Variants in EYS observed in about 807,000 individuals in gnomAD.
EYS encodes EGF-like photoreceptor maintenance factor, also known as protein eyes shut homolog.
EYS carries 250 observed loss-of-function variants against 282.1 expected under a neutral mutation model. That is an observed-to-expected ratio of 0.89 (90% CI 0.80 to 0.98). The LOEUF is 0.98. Among genes scored for constraint, EYS ranks in the 50% least tolerant of loss-of-function variants. EYS has a pLI of 0.00. For synonymous variants in EYS, 1,355 were observed against 1,282.9 expected, an observed-to-expected ratio of 1.06 and a Z score of -1.20; for missense variants, 4,016 against 3,709.0, an observed-to-expected ratio of 1.08 and a Z score of -2.15.
intron 26 of EYS, among the ~76,000 whole-genome samples, chr6:64,465,780 C>T (rs930905011): frequency 2.0e-5 from 3 of 151,202 alleles, no homozygotes; most frequent in East Asian, 3.9e-4. Flanking sequence ...AAATCTTCTG[C>T]GTAGCCCAGG....
At chr6:64,686,559 G>C (rs1324128610) in intron 22 of EYS, among the ~76,000 whole-genome samples, 1 of 149,994 alleles carries the variant, frequency 6.7e-6, no homozygotes, top group Non-Finnish European at 1.5e-5. Context: ...GGTTAATGCG[G>C]TAAAACCCCG....
intron 19 of EYS, among the ~76,000 whole-genome samples, chr6:64,834,234 A>G (rs77893816): frequency 0.017 from 2,599 of 151,928 alleles, 75 homozygotes; most frequent in African/African-American, 0.059. Context: ...TTTTGGAGGT[A>G]TTCTTTAATT....
At position 65,626,897 on chromosome 6, in the gene EYS, T is replaced by TAA. The variant is rs141544480; in HGVS notation, c.-333+12879_-333+12880dup. Among the ~76,000 whole-genome samples the TAA allele has an allele frequency of 7.0e-4, 86 of 123,420 alleles. 1 individual carries two copies. Among genetic ancestry groups the TAA allele is most frequent in the African/African-American group, 1.3e-3 (53 of 40,168 alleles). 81.0% of individuals were successfully genotyped at this position (123,420 alleles called of 152,430 possible). ...GCTCAATGGAAATGGGCATATTATG[T>TAA]AAAAAAAACACACACACACACACAC... On this transcript the variant is annotated intron_variant, in intron 2 of 42. Transcript: ENST00000503581.
intron 2 of EYS, among the ~76,000 whole-genome samples, chr6:65,517,106 A>T (rs1767164124): frequency 6.6e-6 from 1 of 151,936 alleles, no homozygotes; most frequent in Non-Finnish European, 1.5e-5. Flanking sequence ...CTATAACATG[A>T]TATTAATGAA....
chr6:64,571,232 A>G (rs1384687662), intron 26 of EYS, among the ~76,000 whole-genome samples: 3 of 152,348 alleles, frequency 2.0e-5, no homozygotes, highest in East Asian at 1.9e-4. Flanking sequence ...TTTGAAACCA[A>G]TGAGAACAAA....
chr6:64,310,079 A>C (rs1310949303), intron 29 of EYS, among the ~76,000 whole-genome samples: 4 of 45,460 alleles, frequency 8.8e-5, no homozygotes, highest in African/African-American at 6.2e-4. Flanking sequence ...TAAAAAAAAA[A>C]ATAACAGATG....
chr6:64,798,916 G>T (rs1191162551), intron 22 of EYS, among the ~76,000 whole-genome samples: 2 of 151,768 alleles, frequency 1.3e-5, no homozygotes, highest in Admixed American at 6.6e-5. Flanking sequence ...ATCCTACCCT[G>T]TCTTCTCCCA....
At chr6:64,679,237 T>C (rs1354303349) in intron 22 of EYS, among the ~76,000 whole-genome samples, 1 of 152,144 alleles carries the variant, frequency 6.6e-6, no homozygotes, top group Non-Finnish European at 1.5e-5. Context: ...TTGGGTATGT[T>C]TGTAAGTGTG....
intron 31 of EYS, among the ~76,000 whole-genome samples, chr6:64,154,440 C>CAAAAAAA (rs397819570): frequency 1.5e-4 from 9 of 59,490 alleles, no homozygotes; most frequent in East Asian, 6.0e-4. Context: ...AACTCCGTCT[C>CAAAAAAA]AAAAAAAAAA....
chr6:63,862,754 A>G (rs560333761), intron 36 of EYS, among the ~76,000 whole-genome samples: 1 of 152,238 alleles, frequency 6.6e-6, no homozygotes, highest in African/African-American at 2.4e-5. Context: ...GGGAAAGGAC[A>G]CAACTTCAAT....
intron 29 of EYS, among the ~76,000 whole-genome samples, chr6:64,326,208 C>A (rs750076255): frequency 2.1e-4 from 32 of 152,164 alleles, no homozygotes; most frequent in Admixed American, 5.2e-4. Flanking sequence ...CCCCCACTTA[C>A]ACTCAAGTTA....
chr6:64,825,001 T>A (rs573301257), intron 19 of EYS, among the ~76,000 whole-genome samples: 2 of 152,044 alleles, frequency 1.3e-5, no homozygotes, highest in South Asian at 4.1e-4. Flanking sequence ...GATTCACACA[T>A]ATCAAAGTCC....
chr6:64,864,382 C>CTTTTTTTT (rs1562231995), intron 19 of EYS, among the ~76,000 whole-genome samples: 1 of 40,080 alleles, frequency 2.5e-5, no homozygotes, highest in Non-Finnish European at 5.7e-5. Flanking sequence ...GGTGCTATAC[C>CTTTTTTTT]TTCTTTTTTT....
At chr6:65,044,338 T>C (rs569866763) in intron 13 of EYS, among the ~76,000 whole-genome samples, 6 of 151,920 alleles carry the variant, frequency 3.9e-5, no homozygotes, top group African/African-American at 1.4e-4. Context: ...TTCTGTGGGT[T>C]GTCCTCATTT....
chr6:64,607,793 G>A lies in EYS; in HGVS notation c.3684+9625C>T, dbSNP rs140312409. ...GGTTGCAGAGTGAAAACTTTCTGACGTAGTGCTCATGGATATAGGGTTTGT... is the reference window on the plus strand; with the variant it reads ...GGTTGCAGAGTGAAAACTTTCTGACATAGTGCTCATGGATATAGGGTTTGT... On this transcript the variant is annotated intron_variant, in intron 24 of 42. Coordinates refer to ENST00000503581, the MANE Select transcript of EYS (RefSeq NM_001142800.2). 2.5e-3 allele frequency among the ~76,000 whole-genome samples: 375 copies of A among 152,210 alleles called. 1 individual carries two copies. Among genetic ancestry groups the A allele is most frequent in the African/African-American group, 7.8e-3 (324 of 41,550 alleles).
intron 19 of EYS, among the ~76,000 whole-genome samples, chr6:64,831,567 A>T (rs187156201): frequency 6.6e-6 from 1 of 152,022 alleles, no homozygotes; most frequent in East Asian, 1.9e-4. Flanking sequence ...TAAATATTTG[A>T]TGATGAAAAT....
At chr6:64,835,328 T>A (rs1325247886) in intron 19 of EYS, among the ~76,000 whole-genome samples, 1 of 151,660 alleles carries the variant, frequency 6.6e-6, no homozygotes, top group Admixed American at 6.6e-5. Flanking sequence ...ATAATAAGGA[T>A]GAGGAGAGGC....
rs71860908 is a variant in EYS, at chr6:64,825,904, CATAT to C, written c.2993-3086_2993-3083del. Among the ~76,000 whole-genome samples the C allele has an allele frequency of 1.3e-3, 187 of 147,694 alleles. 1 individual carries two copies. Among genetic ancestry groups the C allele is most frequent in the Admixed American group, 1.8e-3 (26 of 14,728 alleles). On this transcript the variant is annotated intron_variant, in intron 19 of 42. Coordinates refer to ENST00000503581, the MANE Select transcript of EYS (RefSeq NM_001142800.2). ...AGTAGAGAGATATTCATAAAGTGCACATATATATATATATATATAAATACATATG... is the reference window on the plus strand; with the variant it reads ...AGTAGAGAGATATTCATAAAGTGCACATATATATATATATAAATACATATG...
At chr6:65,359,027 G>A (rs537893738) in intron 8 of EYS, among the ~76,000 whole-genome samples, 1 of 152,078 alleles carries the variant, frequency 6.6e-6, no homozygotes, top group African/African-American at 2.4e-5. Flanking sequence ...TCTTACTTTT[G>A]ACAGTGAACT....
Sources: allele counts gnomAD v4.1 joint callset (sites outside exome capture counted in the v4.1 genomes callset), GRCh38; gene constraint gnomAD v4.1.1; transcripts MANE v1.5; gene names NCBI Gene and HGNC (gene_info 2026-07-23, HGNC 2026-07-21).